TENM4: variants seen among roughly 807,000 people sequenced by gnomAD.
TENM4 encodes teneurin-4.
A neutral mutation model predicts 243.3 loss-of-function variants in TENM4; 82 were observed. The ratio of observed to expected loss-of-function variants is 0.34; its 90% CI spans 0.28 to 0.40. The LOEUF is 0.40. Ranked by LOEUF, TENM4 falls within the 10% of genes least tolerant of loss-of-function variation. TENM4 has a pLI of 1.00. For synonymous variants in TENM4, 1,412 were observed against 1,456.3 expected (o/e 0.97, Z 0.69); for missense variants, 3,138 against 3,673.3 (o/e 0.85, Z 3.77).
Position 78,701,507 on chromosome 11 carries a change from G to A in TENM4, c.5087+19C>T. 1.3e-6 allele frequency: 2 copies of A among 1,543,016 alleles called. No individual in the cohort carries two copies. The highest frequency in any genetic ancestry group is 1.8e-6 in the Non-Finnish European group (2 of 1,140,878). ...ATTAATGAAACAAAATCATCAAATG[G>A]CCTTGTTTTAGTACTTACTCATAAA... On this transcript the variant is annotated intron_variant, in intron 28 of 33. Coordinates refer to ENST00000278550, the MANE Select transcript of TENM4 (RefSeq NM_001098816.3).
At chr11:78,928,914 C>A (rs1856610432) in intron 6 of TENM4, among the ~76,000 whole-genome samples, 1 of 152,160 alleles carries the variant, frequency 6.6e-6, no homozygotes, top group Non-Finnish European at 1.5e-5. Context: ...GTGGCATGAG[C>A]CACTTCCTAC....
rs539938821 is a variant in TENM4, at chr11:78,794,567, T to C, written c.2180-7484A>G. 2.0e-5 allele frequency among the ~76,000 whole-genome samples: 3 copies of C among 152,290 alleles called. No homozygotes were observed. In the South Asian group the frequency reaches 6.2e-4, roughly 32 times the overall value. On this transcript the variant is annotated intron_variant, in intron 15 of 33. Coordinates refer to ENST00000278550, the MANE Select transcript of TENM4 (RefSeq NM_001098816.3). ...GAGAGGCTAAAGATCAGGAGCATGA[T>C]GTGATTTGGCTTAGTGGCATTCAGA... is the stretch of plus-strand genomic sequence containing the variant.
intron 4 of TENM4, among the ~76,000 whole-genome samples, chr11:79,137,616 G>T (rs181042729): frequency 1.6e-4 from 25 of 151,922 alleles, no homozygotes; most frequent in Admixed American, 4.6e-4. Flanking sequence ...TGTAATTGTT[G>T]TAAGTATTTC....
rs540376676 is a variant in TENM4, at chr11:78,786,209, C to T, written c.2365+689G>A. The stretch of plus-strand genomic sequence containing the variant: ...GAGCTGCTTCAGCAGGAGCTGGTGC[C>T]GAGGAGACCCCAAGGGAGGGGAAAG... On this transcript the variant is annotated intron_variant, in intron 16 of 33. Coordinates refer to ENST00000278550, the MANE Select transcript of TENM4 (RefSeq NM_001098816.3). Among the ~76,000 whole-genome samples the T allele has an allele frequency of 3.2e-4, 48 of 152,290 alleles. No individual in the cohort carries two copies. The East Asian group carries it at 4.1e-3, about 13-fold the overall frequency.
At chr11:78,769,534 C>G (rs1288214360) in intron 18 of TENM4, among the ~76,000 whole-genome samples, 4 of 152,236 alleles carry the variant, frequency 2.6e-5, no homozygotes, top group Admixed American at 1.3e-4. Context: ...TTCCTTATCT[C>G]TATGCCTGGT....
chr11:79,131,414 G>C (rs1047796448), intron 4 of TENM4, among the ~76,000 whole-genome samples: 9 of 152,138 alleles, frequency 5.9e-5, no homozygotes, highest in African/African-American at 2.2e-4. Flanking sequence ...CAAGAATTTT[G>C]TATCCAGCAA....
intron 4 of TENM4, among the ~76,000 whole-genome samples, chr11:79,139,407 TTC>T (rs1447155201): frequency 0.11 from 766 of 7,288 alleles, 348 homozygotes; most frequent in Middle Eastern, 0.5. Context: ...TATATTATAT[TTC>T]TAGAAATATA....
At chr11:78,753,292 G>A (rs1053790608) in intron 19 of TENM4, among the ~76,000 whole-genome samples, 3 of 152,122 alleles carry the variant, frequency 2.0e-5, no homozygotes, top group African/African-American at 7.2e-5. Flanking sequence ...TACCATTATT[G>A]CCAATTTATA....
At chr11:79,077,925 G>A (rs1393998563) in intron 4 of TENM4, among the ~76,000 whole-genome samples, 1 of 152,212 alleles carries the variant, frequency 6.6e-6, no homozygotes, top group African/African-American at 2.4e-5. Context: ...AGCTGGTCTG[G>A]AAGAATGGCA....
intron 5 of TENM4, among the ~76,000 whole-genome samples, chr11:79,068,788 G>T (rs981082382): frequency 2.6e-5 from 4 of 152,196 alleles, no homozygotes; most frequent in African/African-American, 9.6e-5. Flanking sequence ...TATCATGGCA[G>T]GTCTGGAAAC....
At chr11:79,437,076 A>G (rs902294088) in intron 1 of TENM4, among the ~76,000 whole-genome samples, 2 of 152,250 alleles carry the variant, frequency 1.3e-5, no homozygotes. Flanking sequence ...CGTTCACTCC[A>G]GGCAATCAGC....
At chr11:79,243,424 C>G (rs1294340393) in intron 2 of TENM4, among the ~76,000 whole-genome samples, 3 of 151,982 alleles carry the variant, frequency 2.0e-5, no homozygotes, top group Non-Finnish European at 4.4e-5. Context: ...CTGGATGTGC[C>G]CCAATCAGAG....
chr11:79,270,112 C>CCTTT (rs1331393473), intron 2 of TENM4, among the ~76,000 whole-genome samples: 1 of 152,104 alleles, frequency 6.6e-6, no homozygotes, highest in Non-Finnish European at 1.5e-5. Context: ...GCACCACCGT[C>CCTTT]CTTTCGCCCA....
At position 78,747,651 on chromosome 11, in the gene TENM4, C is replaced by T. The variant is rs76762282; in HGVS notation, c.2757-9081G>A. ...GCATCCCTCCCTGTCAAGCCCCTCA[C>T]TGTGGGATTTGCTTGGAGCAAACTC... On this transcript the variant is annotated intron_variant, in intron 19 of 33. Coordinates refer to ENST00000278550, the MANE Select transcript of TENM4 (RefSeq NM_001098816.3). 2.4e-3 allele frequency among the ~76,000 whole-genome samples: 361 copies of T among 152,332 alleles called. 2 individuals are homozygous for T. Among genetic ancestry groups the T allele is most frequent in the African/African-American group, 8.4e-3 (349 of 41,578 alleles).
chr11:78,738,193 G>A (rs1166028558), intron 20 of TENM4, among the ~76,000 whole-genome samples: 2 of 152,214 alleles, frequency 1.3e-5, no homozygotes, highest in Non-Finnish European at 2.9e-5. Context: ...AAGTCATGGA[G>A]CAGGATATGT....
chr11:78,993,743 T>C (rs1324618774), intron 6 of TENM4, among the ~76,000 whole-genome samples: 1 of 152,256 alleles, frequency 6.6e-6, no homozygotes, highest in African/African-American at 2.4e-5. Flanking sequence ...ATGTTCTGTT[T>C]GCTCACTCAT....
At chr11:79,133,452 A>T (rs1862049696) in intron 4 of TENM4, among the ~76,000 whole-genome samples, 1 of 152,206 alleles carries the variant, frequency 6.6e-6, no homozygotes, top group Non-Finnish European at 1.5e-5. Flanking sequence ...AATCCTTTTG[A>T]CACTATTCCA....
At chr11:79,430,110 T>C (rs1859134465) in intron 1 of TENM4, among the ~76,000 whole-genome samples, 1 of 151,530 alleles carries the variant, frequency 6.6e-6, no homozygotes, top group Admixed American at 6.6e-5. Context: ...CTTCCTGGAA[T>C]GTGGCTTGGC....
intron 5 of TENM4, among the ~76,000 whole-genome samples, chr11:79,067,183 G>T (rs1404457794): frequency 2.0e-5 from 3 of 152,226 alleles, no homozygotes; most frequent in Non-Finnish European, 4.4e-5. Context: ...CATTCTGATT[G>T]GTTAGAGGCT....
Sources: allele counts gnomAD v4.1 joint callset (sites outside exome capture counted in the v4.1 genomes callset), GRCh38; gene constraint gnomAD v4.1.1; transcripts MANE v1.5; gene names NCBI Gene and HGNC (gene_info 2026-07-23, HGNC 2026-07-21).